The following EYS variants were observed in gnomAD, a reference collection of about 807,000 sequenced individuals.
The protein encoded by EYS is protein eyes shut homolog.
A neutral mutation model predicts 282.1 loss-of-function variants in EYS; 250 were observed. That is an observed-to-expected ratio of 0.89 (90% CI 0.80 to 0.98). The LOEUF is 0.98. Ranked by LOEUF, EYS falls within the 50% of genes least tolerant of loss-of-function variation. The probability of loss-of-function intolerance (pLI) is 0.00; values close to 1 mark genes in which losing one functional copy is unlikely to be tolerated. For missense variants in EYS, 4,016 were observed against 3,709.0 expected, an observed-to-expected ratio of 1.08 and a Z score of -2.15; for synonymous variants, 1,355 against 1,282.9, an observed-to-expected ratio of 1.06 and a Z score of -1.20.
intron 22 of EYS, among the ~76,000 whole-genome samples, chr6:64,699,341 C>G (rs4710485): frequency 0.99 from 150,014 of 152,224 alleles, 73,943 homozygotes; most frequent in East Asian, 1. Context: ...AGCATGGGAG[C>G]AGACAGTGGA....
At chr6:63,932,463 G>GTGTTACC (rs1159744083) in intron 35 of EYS, among the ~76,000 whole-genome samples, 1 of 152,000 alleles carries the variant, frequency 6.6e-6, no homozygotes, top group Non-Finnish European at 1.5e-5. Flanking sequence ...TCTAGCATTC[G>GTGTTACC]TGTTACCTGG....
chr6:64,192,599 A>T (rs1211791283), intron 31 of EYS, among the ~76,000 whole-genome samples: 2 of 152,126 alleles, frequency 1.3e-5, no homozygotes, highest in African/African-American at 4.8e-5. Flanking sequence ...CCTATTTAAT[A>T]AATGGTGCTG....
intron 22 of EYS, among the ~76,000 whole-genome samples, chr6:64,798,868 T>C (rs1774446995): frequency 6.6e-6 from 1 of 151,932 alleles, no homozygotes; most frequent in African/African-American, 2.4e-5. Context: ...ATTTAATCAA[T>C]AGCAGAATAT....
intron 12 of EYS, among the ~76,000 whole-genome samples, chr6:65,149,849 G>T (rs979780823): frequency 1.3e-5 from 2 of 152,068 alleles, no homozygotes; most frequent in African/African-American, 4.8e-5. Context: ...TGAAAGACTG[G>T]GTAATTTATA....
At chr6:63,827,890 C>G (rs1771519958) in intron 36 of EYS, among the ~76,000 whole-genome samples, 1 of 150,982 alleles carries the variant, frequency 6.6e-6, no homozygotes, top group African/African-American at 2.4e-5. Context: ...ATCAAGCACT[C>G]TCTCAGACCA....
chr6:64,322,322 G>A (rs1158167045), intron 29 of EYS, among the ~76,000 whole-genome samples: 1 of 151,996 alleles, frequency 6.6e-6, no homozygotes, highest in Non-Finnish European at 1.5e-5. Flanking sequence ...AGGTGTTGGT[G>A]CAATATCATG....
chr6:65,048,076 G>A (rs1251457157), intron 13 of EYS, among the ~76,000 whole-genome samples: 2 of 151,860 alleles, frequency 1.3e-5, no homozygotes, highest in African/African-American at 2.4e-5. Flanking sequence ...GTAGCTTCTT[G>A]GACACTGAGT....
chr6:65,650,936 T>C (rs1219328502), intron 1 of EYS, among the ~76,000 whole-genome samples: 1 of 152,172 alleles, frequency 6.6e-6, no homozygotes, highest in Non-Finnish European at 1.5e-5. Flanking sequence ...TAACAGGGAT[T>C]ATTTTATCAC....
chr6:65,618,734 G>A (rs1343782202), intron 2 of EYS, among the ~76,000 whole-genome samples: 1 of 152,114 alleles, frequency 6.6e-6, no homozygotes, highest in Admixed American at 6.5e-5. Context: ...TTTTATATAA[G>A]GTGTAAGGAA....
At chr6:64,476,660 C>T (rs1776277022) in intron 26 of EYS, among the ~76,000 whole-genome samples, 1 of 152,034 alleles carries the variant, frequency 6.6e-6, no homozygotes, top group South Asian at 2.1e-4. Flanking sequence ...GCTCTATATT[C>T]ATTATTATTG....
chr6:64,450,534 C>A (rs1775291527), intron 26 of EYS, among the ~76,000 whole-genome samples: 2 of 152,146 alleles, frequency 1.3e-5, no homozygotes, highest in Admixed American at 1.3e-4. Context: ...GAACTCTCCA[C>A]CCCAAATCAA....
intron 5 of EYS, among the ~76,000 whole-genome samples, chr6:65,413,119 T>G (rs1243618015): frequency 6.6e-6 from 1 of 152,174 alleles, no homozygotes; most frequent in Non-Finnish European, 1.5e-5. Flanking sequence ...TTTGTTTATT[T>G]TAATGGAATG....
At chr6:64,792,125 C>T (rs973378592) in intron 22 of EYS, among the ~76,000 whole-genome samples, 1 of 151,860 alleles carries the variant, frequency 6.6e-6, no homozygotes, top group Non-Finnish European at 1.5e-5. Context: ...ATTCAAACTA[C>T]TGTGAAGCCT....
At chr6:64,777,065 C>A (rs1188715682) in intron 22 of EYS, among the ~76,000 whole-genome samples, 1 of 152,142 alleles carries the variant, frequency 6.6e-6, no homozygotes, top group African/African-American at 2.4e-5. Context: ...GGGAAAGCCC[C>A]TTTTTAAACC....
At chr6:65,178,969 C>T (rs934133439) in intron 12 of EYS, among the ~76,000 whole-genome samples, 37 of 151,972 alleles carry the variant, frequency 2.4e-4, no homozygotes, top group Middle Eastern at 3.2e-3. Context: ...CTACTGGGTA[C>T]ATAACAAAAT....
intron 22 of EYS, among the ~76,000 whole-genome samples, chr6:64,771,425 GCT>G (rs138662450): frequency 0.04 from 6,107 of 151,442 alleles, 164 homozygotes; most frequent in Middle Eastern, 0.062. Context: ...ACTTAGGAAT[GCT>G]CTCTCTACTT....
At chr6:64,666,675 C>T (rs772427296) in intron 22 of EYS, among the ~76,000 whole-genome samples, 2 of 152,046 alleles carry the variant, frequency 1.3e-5, no homozygotes, top group Non-Finnish European at 2.9e-5. Context: ...CTTGTGTTTC[C>T]AGTCCTAACT....
intron 32 of EYS, among the ~76,000 whole-genome samples, chr6:64,068,482 A>G (rs1229774741): frequency 1.5e-5 from 2 of 135,928 alleles, no homozygotes; most frequent in Non-Finnish European, 3.1e-5. Context: ...AGTTATGATT[A>G]GTCCTTTCAT....
intron 13 of EYS, among the ~76,000 whole-genome samples, chr6:65,026,875 C>T (rs1013020988): frequency 6.7e-6 from 1 of 149,820 alleles, no homozygotes; most frequent in African/African-American, 2.4e-5. Context: ...CAAGATCGTG[C>T]CATTGCACTC....
Sources: allele counts gnomAD v4.1 joint callset (sites outside exome capture counted in the v4.1 genomes callset), GRCh38; gene constraint gnomAD v4.1.1; transcripts MANE v1.5; gene names NCBI Gene and HGNC (gene_info 2026-07-23, HGNC 2026-07-21).